The following NAF1 variants were observed in gnomAD, a reference collection of about 807,000 sequenced individuals.
The protein encoded by NAF1 is H/ACA ribonucleoprotein complex non-core subunit NAF1.
Under a neutral mutation model 40.6 loss-of-function variants are expected in NAF1, and 11 were observed. The observed-to-expected ratio is 0.27, with a 90% CI of 0.17 to 0.45. The LOEUF is 0.45. Among genes scored for constraint, NAF1 ranks in the 20% least tolerant of loss-of-function variants. The pLI is 1.00. For missense variants in NAF1, 607 were observed against 611.1 expected (o/e 0.99, Z 0.07); for synonymous variants, 260 against 228.5 (o/e 1.14, Z -1.24).
chr4:163,134,315 G>T (rs1040328059), intron 6 of NAF1, among the ~76,000 whole-genome samples: 4 of 152,092 alleles, frequency 2.6e-5, no homozygotes, highest in Admixed American at 2.6e-4. Flanking sequence ...GAAAGTCTTT[G>T]TATGTAATTT....
At chr4:163,160,500 G>A (rs2111047171) in intron 2 of NAF1, among the ~76,000 whole-genome samples, 1 of 152,262 alleles carries the variant, frequency 6.6e-6, no homozygotes, top group East Asian at 1.9e-4. Context: ...TCTACCTAAA[G>A]ATCTGCATTG....
downstream of NAF1, chr4:163,127,134 C>G: frequency 6.5e-7 from 1 of 1,547,838 alleles, no homozygotes; most frequent in Non-Finnish European, 8.7e-7. Context: ...AAGAAATGGA[C>G]AGATTTTTAC....
intron 2 of NAF1, among the ~76,000 whole-genome samples, chr4:163,161,676 C>T (rs1203819259): frequency 6.6e-6 from 1 of 152,162 alleles, no homozygotes; most frequent in African/African-American, 2.4e-5. Flanking sequence ...TGAGTCTCTG[C>T]TCCTCCTAAC....
At chr4:163,123,528 T>C (rs1333264599), downstream of NAF1, among the ~76,000 whole-genome samples, 2 of 152,112 alleles carry the variant, frequency 1.3e-5, no homozygotes, top group Non-Finnish European at 2.9e-5. Context: ...ACTACAGGCA[T>C]GCGTAACCAT....
intron 2 of NAF1, chr4:163,158,263 T>C (rs762571959): frequency 9.2e-5 from 14 of 152,100 alleles, no homozygotes; most frequent in Non-Finnish European, 1.6e-4. Flanking sequence ...TCAGATATGG[T>C]TGGAAAGTAG....
chr4:163,118,578 C>A (rs1181440582), intron 2 of NAF1, among the ~76,000 whole-genome samples: 1 of 152,226 alleles, frequency 6.6e-6, no homozygotes, highest in East Asian at 1.9e-4. Flanking sequence ...CATGGCGAAA[C>A]CCCGTCTCTA....
intron 2 of NAF1, among the ~76,000 whole-genome samples, chr4:163,162,823 G>A (rs1429523893): frequency 1.3e-5 from 2 of 152,180 alleles, no homozygotes; most frequent in Non-Finnish European, 2.9e-5. Flanking sequence ...GGGACTATGG[G>A]AATTACAAGG....
chr4:163,114,929 T>C (rs1384934496), intron 2 of NAF1, among the ~76,000 whole-genome samples: 1 of 152,154 alleles, frequency 6.6e-6, no homozygotes, highest in Non-Finnish European at 1.5e-5. Flanking sequence ...TTATTCCTTT[T>C]TGTATCCATT....
chr4:163,139,458 A>T (rs550585408), intron 5 of NAF1, among the ~76,000 whole-genome samples: 8 of 151,580 alleles, frequency 5.3e-5, no homozygotes, highest in Admixed American at 3.3e-4. Flanking sequence ...TATTTTTATT[A>T]AAAAAAAATC....
intron 1 of NAF1, among the ~76,000 whole-genome samples, chr4:163,165,809 A>C (rs1398716384): frequency 6.6e-6 from 1 of 152,188 alleles, no homozygotes; most frequent in African/African-American, 2.4e-5. Flanking sequence ...AAAACGTAAG[A>C]AGCATAAGAT....
At chr4:163,111,233 C>T (rs961861810) in intron 2 of NAF1, among the ~76,000 whole-genome samples, 15 of 152,000 alleles carry the variant, frequency 9.9e-5, no homozygotes, top group Admixed American at 3.3e-4. Flanking sequence ...TAATTGAATA[C>T]CAGAGGAGAG....
intron 6 of NAF1, 70 bp from the exon 7 acceptor site, chr4:163,133,326 G>T: frequency 8.2e-7 from 1 of 1,225,570 alleles, no homozygotes; most frequent in Non-Finnish European, 1.2e-6. Context: ...ATACTTGGAG[G>T]TGAAGAAAAT....
chr4:163,166,593 C>A lies in NAF1; in HGVS notation c.135G>T (p.Gln45His), dbSNP rs1732486167. The change falls in exon 1 of 8, where the codon CAG (glutamine) becomes CAT (histidine). Residue 45 changes from glutamine (Q) to histidine (H), a missense_variant. Gln to His is a conservative substitution (Grantham distance 24). Coordinates refer to ENST00000274054, the MANE Select transcript of NAF1 (RefSeq NM_138386.3). ...CAGCGTCCGGGGACCCCTCAAACGACTGTAGCGGCGGCTGTGTCCCTGGCA... is the reference window on the plus strand; with the variant it reads ...CAGCGTCCGGGGACCCCTCAAACGAATGTAGCGGCGGCTGTGTCCCTGGCA... ...APVPGTQPPL[Q>H]SFEGSPDAGQ... 1.2e-6 allele frequency: 2 copies of A among 1,611,696 alleles called. No individual in the cohort carries two copies. Among genetic ancestry groups the A allele is most frequent in the Non-Finnish European group, 1.7e-6 (2 of 1,179,536 alleles).
rs768457743 is a variant in NAF1 at position 163,148,365 on chromosome 4, C to T, written c.610G>A (p.Val204Ile). The change falls in exon 3 of 8, where the codon GTT becomes ATT. Residue 204 changes from valine to isoleucine, a missense_variant. Coordinates refer to ENST00000274054, the MANE Select transcript of NAF1 (RefSeq NM_138386.3). Reference protein sequence around the residue: ...EDIELKPLGMVSSIIEQLVII... With the variant: ...EDIELKPLGMISSIIEQLVII... ...CCTAGTTGTTCAATAATACTTGAAA[C>T]CATCCCAAGAGGCTTTAACTCAATA... 46 of 1,568,546 alleles carry T rather than the reference C, an allele frequency of 2.9e-5. No individual in the cohort carries two copies. The highest frequency in any genetic ancestry group is 3.9e-5 in the Non-Finnish European group (45 of 1,163,804).
In NAF1 at chr4:163,166,532, G is replaced by A. The variant is rs1301263313; in HGVS notation, c.196C>T (p.Pro66Ser). Reference sequence around the variant, plus strand: ...ACGGCGTTCAGAACGGGCTGCAGAGGCTGCTCCCCGGCAGGCTTAACCTCC... The same window carrying A: ...ACGGCGTTCAGAACGGGCTGCAGAGACTGCTCCCCGGCAGGCTTAACCTCC... ...TVEVKPAGEQ[P>S]LQPVLNAVAA... The change falls in exon 1 of 8, where the codon CCT (proline) becomes TCT (serine). Residue 66 changes from proline to serine, a missense_variant. Pro to Ser is a moderately conservative substitution (Grantham distance 74). This residue lies in a region of NAF1 where 407 missense variants were observed against 365.5 expected (regional missense o/e 1.11). Transcript: ENST00000274054. 2 of 1,584,526 alleles carry A rather than the reference G, an allele frequency of 1.3e-6. No homozygotes were observed. The highest frequency in any genetic ancestry group is 2.3e-5 in the East Asian group (1 of 43,344).
intron 4 of NAF1, among the ~76,000 whole-genome samples, chr4:163,140,694 A>T (rs1579156763): frequency 6.6e-6 from 1 of 152,294 alleles, no homozygotes; most frequent in Non-Finnish European, 1.5e-5. Flanking sequence ...GATTTTTTTA[A>T]ATTATTGCTC....
In NAF1 at chr4:163,137,268, G is replaced by A. The variant is rs759680232; in HGVS notation, c.879-18C>T. Reference sequence around the variant, plus strand: ...CCTTATCCCTGAGTGGGGTGGGGATGGGAGTCAAAAAAGTATTCATCACAA... The same window carrying A: ...CCTTATCCCTGAGTGGGGTGGGGATAGGAGTCAAAAAAGTATTCATCACAA... On this transcript the variant is annotated intron_variant, in intron 5 of 7. Coordinates refer to ENST00000274054, the MANE Select transcript of NAF1 (RefSeq NM_138386.3). 3.8e-6 allele frequency: 6 copies of A among 1,595,024 alleles called. No individual in the cohort carries two copies. The highest frequency in any genetic ancestry group is 5.1e-6 in the Non-Finnish European group (6 of 1,172,072).
rs375969153 is a variant in NAF1 at position 163,128,852 on chromosome 4, C to A, written c.*45G>T. ...ACTCTTGAAAAAAAAAAATCCTTAC[C>A]ACATAATATGAAAAGTCCACATTTC... On this transcript the variant is annotated 3_prime_UTR_variant, in exon 8 of 8. Coordinates refer to ENST00000274054, the MANE Select transcript of NAF1 (RefSeq NM_138386.3). 6 of 1,437,748 alleles carry A rather than the reference C, an allele frequency of 4.2e-6. No individual in the cohort carries two copies. The Admixed American group carries it at 7.3e-5, about 18-fold the overall frequency. 89.1% of individuals were successfully genotyped at this position (1,437,748 alleles called of 1,614,324 possible). A position where few individuals can be genotyped will look rare whatever the true frequency, so the allele number is the denominator to read the frequency against.
intron 3 of NAF1, among the ~76,000 whole-genome samples, chr4:163,146,419 T>C (rs1320294440): frequency 6.6e-6 from 1 of 152,082 alleles, no homozygotes; most frequent in Non-Finnish European, 1.5e-5. Flanking sequence ...AAACATAATC[T>C]CCAAATCTCC....
Sources: gnomAD v4.1 joint callset for allele counts (sites outside exome capture counted in the v4.1 genomes callset) on GRCh38, gnomAD v4.1.1 for gene constraint, gnomAD v4.1.1 regional missense constraint, MANE v1.5 for transcripts, NCBI Gene and HGNC (gene_info 2026-07-23, HGNC 2026-07-21) for gene names.